PACS1: variants seen among roughly 807,000 people sequenced by gnomAD.
PACS1 encodes the protein PACS-1.
In PACS1, 24 loss-of-function variants were observed where a neutral mutation model predicts 115.0. That is an observed-to-expected ratio of 0.21 (90% CI 0.15 to 0.29). PACS1 has a LOEUF of 0.29. Among genes scored for constraint, PACS1 ranks in the 10% least tolerant of loss-of-function variants. The pLI, the probability that PACS1 is intolerant of heterozygous loss-of-function variation, is 1.00. For synonymous variants in PACS1, 453 were observed against 504.5 expected, an observed-to-expected ratio of 0.90 and a Z score of 1.37; for missense variants, 838 against 1,251.2, an observed-to-expected ratio of 0.67 and a Z score of 4.98.
intron 1 of PACS1, among the ~76,000 whole-genome samples, chr11:66,176,282 G>A (rs1309921362): frequency 6.6e-6 from 1 of 152,090 alleles, no homozygotes; most frequent in South Asian, 2.1e-4. Flanking sequence ...CCATATTTAT[G>A]TACATTTGTG....
At chr11:66,223,973 G>T (rs540855715) in intron 10 of PACS1, among the ~76,000 whole-genome samples, 1 of 152,230 alleles carries the variant, frequency 6.6e-6, no homozygotes, top group Non-Finnish European at 1.5e-5. Flanking sequence ...CGAGGTGGGT[G>T]GACCACTTGA....
At chr11:66,106,201 G>A (rs141954106) in intron 1 of PACS1, among the ~76,000 whole-genome samples, 1 of 152,106 alleles carries the variant, frequency 6.6e-6, no homozygotes, top group Non-Finnish European at 1.5e-5. Context: ...AGGCTGAGGC[G>A]GAAGGAGCAC....
At chr11:66,121,118 C>A in intron 1 of PACS1, 1 of 453,228 alleles carries the variant, frequency 2.2e-6, no homozygotes, top group Non-Finnish European at 4.5e-6. Context: ...CTTTGTATCT[C>A]TGTGTCACAT....
At chr11:66,117,300 A>G (rs1858325965) in intron 1 of PACS1, among the ~76,000 whole-genome samples, 1 of 152,006 alleles carries the variant, frequency 6.6e-6, no homozygotes, top group South Asian at 2.1e-4. Flanking sequence ...GTCTCTCCTA[A>G]AAATACAAAC....
chr11:66,192,861 T>A (rs555172548), intron 1 of PACS1, among the ~76,000 whole-genome samples: 1 of 152,332 alleles, frequency 6.6e-6, no homozygotes, highest in African/African-American at 2.4e-5. Flanking sequence ...TTGCGGGGAA[T>A]TTCTTGATTT....
At chr11:66,112,943 C>G (rs901856383) in intron 1 of PACS1, among the ~76,000 whole-genome samples, 1 of 152,126 alleles carries the variant, frequency 6.6e-6, no homozygotes, top group African/African-American at 2.4e-5. Context: ...TGAAAGGAAG[C>G]CTTACACAGA....
In PACS1 at chr11:66,070,953, C is replaced by A. The variant is rs1857298651; in HGVS notation, c.356+111C>A. 1 of 1,121,968 alleles carries A rather than the reference C, an allele frequency of 8.9e-7. No homozygotes were observed. Among genetic ancestry groups the A allele is most frequent in the South Asian group, 2.2e-5 (1 of 45,790 alleles). 69.5% of individuals were successfully genotyped at this position (1,121,968 alleles called of 1,614,324 possible). A position where few individuals can be genotyped will look rare whatever the true frequency, so the allele number is the denominator to read the frequency against. On this transcript the variant is annotated intron_variant, in intron 1 of 23. Transcript: ENST00000320580. This position sits in a 1 kb window ranked among gnomAD's most constrained non-coding sequence, Gnocchi z 5.9. ...CCCCGCCCTCCATCTCCCCGACTGTCCCGCGGCCCGGCCTGGCTCCAGCCA... is the reference window on the plus strand; with the variant it reads ...CCCCGCCCTCCATCTCCCCGACTGTACCGCGGCCCGGCCTGGCTCCAGCCA...
chr11:66,132,772 A>G (rs7941487), intron 1 of PACS1, among the ~76,000 whole-genome samples: 4,263 of 152,226 alleles, frequency 0.028, 210 homozygotes, highest in African/African-American at 0.096. Context: ...AGGTTCAAGC[A>G]ATTCTCATGC....
chr11:66,076,581 C>T (rs1025128032), intron 1 of PACS1, among the ~76,000 whole-genome samples: 2 of 152,140 alleles, frequency 1.3e-5, no homozygotes, highest in African/African-American at 2.4e-5. Context: ...TTAGTAGAGA[C>T]GGGGTTTCCC....
intron 1 of PACS1, among the ~76,000 whole-genome samples, chr11:66,101,367 G>A (rs1171147559): frequency 2.0e-5 from 3 of 151,990 alleles, no homozygotes; most frequent in Non-Finnish European, 4.4e-5. Context: ...ACATACAGTG[G>A]GTTGGGAATC....
chr11:66,222,209 C>A (rs1855366392), intron 10 of PACS1, among the ~76,000 whole-genome samples: 2 of 152,096 alleles, frequency 1.3e-5, no homozygotes, highest in Admixed American at 6.5e-5. Flanking sequence ...GGCCCTGCAC[C>A]AGACTGGGGA....
At chr11:66,200,304 T>C (rs1173506954) in intron 2 of PACS1, among the ~76,000 whole-genome samples, 5 of 152,102 alleles carry the variant, frequency 3.3e-5, no homozygotes, top group Admixed American at 6.6e-5. Flanking sequence ...TGAGCTATGA[T>C]TGTGCCAGTA....
chr11:66,214,606 CTTCT>C (rs1482861560), intron 4 of PACS1, among the ~76,000 whole-genome samples: 2 of 111,952 alleles, frequency 1.8e-5, no homozygotes, highest in Non-Finnish European at 3.4e-5. Context: ...TTCTTCCTTT[CTTCT>C]TTTTCTTTTC....
chr11:66,217,391 C>A, intron 7 of PACS1: 1 of 345,356 alleles, frequency 2.9e-6, no homozygotes, highest in Non-Finnish European at 5.8e-6. Flanking sequence ...CCTAGGTGGT[C>A]TTTGACAGAT....
chr11:66,203,013 G>T (rs1029870152), intron 2 of PACS1, among the ~76,000 whole-genome samples: 4 of 151,814 alleles, frequency 2.6e-5, no homozygotes, highest in Admixed American at 2.6e-4. Flanking sequence ...CCTAACTAGA[G>T]CAGTCAGGCA....
At chr11:66,092,886 C>G (rs1565103160) in intron 1 of PACS1, among the ~76,000 whole-genome samples, 1 of 152,102 alleles carries the variant, frequency 6.6e-6, no homozygotes, top group Non-Finnish European at 1.5e-5. Flanking sequence ...ATCTATATCT[C>G]TGTTTGGTAC....
intron 13 of PACS1, 119 bp downstream of exon 13, chr11:66,231,059 T>C: frequency 7.8e-7 from 1 of 1,276,010 alleles, no homozygotes; most frequent in Non-Finnish European, 1.1e-6. Flanking sequence ...GGAAATGCTC[T>C]GAACAAAAAC....
intron 2 of PACS1, among the ~76,000 whole-genome samples, chr11:66,205,315 T>G (rs917894085): frequency 6.7e-6 from 1 of 150,126 alleles, no homozygotes; most frequent in African/African-American, 2.5e-5. Context: ...AAAAATTTTT[T>G]TAATGTTTTA....
chr11:66,225,176 C>T (rs75107184), intron 10 of PACS1, among the ~76,000 whole-genome samples: 1 of 152,202 alleles, frequency 6.6e-6, no homozygotes, highest in Non-Finnish European at 1.5e-5. Context: ...AAATGATAGC[C>T]TACACATTAC....
Sources: gnomAD v4.1 joint callset for allele counts (sites outside exome capture counted in the v4.1 genomes callset) on GRCh38, gnomAD v4.1.1 for gene constraint, Gnocchi (gnomAD v3.1) non-coding constraint, MANE v1.5 for transcripts, NCBI Gene and HGNC (gene_info 2026-07-23, HGNC 2026-07-21) for gene names.